Variants in LNX1 observed in about 807,000 individuals in gnomAD.
LNX1 encodes the protein E3 ubiquitin-protein ligase LNX.
In LNX1, 54 loss-of-function variants were observed where a neutral mutation model predicts 68.4. That is an observed-to-expected ratio of 0.79 (90% CI 0.63 to 0.99). The LOEUF (loss-of-function observed/expected upper bound fraction) is 0.99, where lower values mean the gene tolerates loss of function less well. Among genes scored for constraint, LNX1 ranks in the 50% least tolerant of loss-of-function variants. LNX1 has a pLI of 0.00. For synonymous variants in LNX1, 336 were observed against 350.0 expected (o/e 0.96, Z 0.45); for missense variants, 906 against 926.4 (o/e 0.98, Z 0.29).
chr4:53,634,552 GT>G (rs1210098162), intron 1 of LNX1, among the ~76,000 whole-genome samples: 1 of 152,008 alleles, frequency 6.6e-6, no homozygotes, highest in Non-Finnish European at 1.5e-5. Context: ...GCTCAGCTCG[GT>G]TTTCTATTCT....
rs1295184329 is a variant in LNX1 at position 53,508,060 on chromosome 4, G to A, written c.548C>T (p.Ala183Val). The part of the protein sequence containing the change: ...MTDEPGLDNP[A>V]YVSSAEDGQP... Reference sequence around the variant, plus strand: ...CCCGTCCTCTGCCGAGGACACGTAGGCAGGGTTGTCTAGGCCAGGCTCGTC... The same window carrying A: ...CCCGTCCTCTGCCGAGGACACGTAGACAGGGTTGTCTAGGCCAGGCTCGTC... The change falls in exon 3 of 11, where the codon GCC (alanine) becomes GTC (valine). Residue 183 changes from alanine (A) to valine (V), a missense_variant. Coordinates refer to ENST00000263925, the MANE Select transcript of LNX1 (RefSeq NM_001126328.3). 2 of 1,614,166 alleles carry A rather than the reference G, an allele frequency of 1.2e-6. No homozygotes were observed. The highest frequency in any genetic ancestry group is 4.5e-5 in the East Asian group (2 of 44,868).
At chr4:53,575,969 T>A in intron 1 of LNX1, 1 of 1,561,962 alleles carries the variant, frequency 6.4e-7, no homozygotes, top group Non-Finnish European at 8.6e-7. Flanking sequence ...GGTGCCCTAC[T>A]GGCAGGCATG....
At chr4:53,557,958 G>A (rs761756542) in intron 2 of LNX1, 17 of 1,613,476 alleles carry the variant, frequency 1.1e-5, no homozygotes, top group South Asian at 8.8e-5. Context: ...CAACAGAAGC[G>A]CCTTCATTCT....
At position 53,508,009 on chromosome 4, in the gene LNX1, G is replaced by A. The variant is rs751494229; in HGVS notation, c.599C>T (p.Ser200Phe). The change falls in exon 3 of 11, where the codon TCT becomes TTT. Residue 200 changes from serine to phenylalanine, a missense_variant. Coordinates refer to ENST00000263925, the MANE Select transcript of LNX1 (RefSeq NM_001126328.3). ...ACCCCTAGTTCGGTTGCTCCGGCCA[G>A]AGTCCACTGGGCTGATTGCTGGCTG... is the stretch of plus-strand genomic sequence containing the variant. ...DGQPAISPVD[S>F]GRSNRTRARP... 3.7e-6 allele frequency: 6 copies of A among 1,613,982 alleles called. No individual in the cohort carries two copies. Among genetic ancestry groups the A allele is most frequent in the Non-Finnish European group, 4.2e-6 (5 of 1,179,970 alleles).
chr4:53,614,517 G>A (rs1260891055), intron 2 of LNX1, among the ~76,000 whole-genome samples: 1 of 152,144 alleles, frequency 6.6e-6, no homozygotes, highest in Non-Finnish European at 1.5e-5. Flanking sequence ...TTTTCTAGGG[G>A]TGTCAGGTTC....
chr4:53,494,557 A>C (rs552965501), intron 6 of LNX1, among the ~76,000 whole-genome samples: 1 of 152,362 alleles, frequency 6.6e-6, no homozygotes, highest in South Asian at 2.1e-4. Flanking sequence ...CTAGTCAAGC[A>C]AAAATCTCCC....
intron 2 of LNX1, among the ~76,000 whole-genome samples, chr4:53,514,435 A>G (rs1410656765): frequency 1.3e-5 from 2 of 152,228 alleles, no homozygotes; most frequent in Non-Finnish European, 2.9e-5. Context: ...CCTCACAATC[A>G]TGGCAGAAGA....
At chr4:53,629,018 T>G (rs555552295) in intron 1 of LNX1, among the ~76,000 whole-genome samples, 116 of 152,242 alleles carry the variant, frequency 7.6e-4, no homozygotes, top group African/African-American at 2.7e-3. Context: ...AACTACACAT[T>G]AGGTACAATA....
At chr4:53,561,394 AT>A (rs1339200495) in intron 2 of LNX1, among the ~76,000 whole-genome samples, 1 of 151,782 alleles carries the variant, frequency 6.6e-6, no homozygotes, top group Non-Finnish European at 1.5e-5. Context: ...CACCCAGCTA[AT>A]TTTTCTATTT....
intron 9 of LNX1, among the ~76,000 whole-genome samples, chr4:53,470,515 A>G (rs1258209230): frequency 2.0e-5 from 3 of 152,214 alleles, no homozygotes; most frequent in Admixed American, 1.3e-4. Flanking sequence ...GAAGGAAATA[A>G]AGGGCATTCA....
chr4:53,525,909 T>C (rs1427327595), intron 2 of LNX1, among the ~76,000 whole-genome samples: 2 of 152,224 alleles, frequency 1.3e-5, no homozygotes, highest in Non-Finnish European at 2.9e-5. Flanking sequence ...GTCACATCTT[T>C]AGGAAATACC....
chr4:53,609,874 A>G (rs1560692950), intron 2 of LNX1, among the ~76,000 whole-genome samples: 1 of 149,238 alleles, frequency 6.7e-6, no homozygotes, highest in South Asian at 2.1e-4. Context: ...AGCATTATAT[A>G]TAACTATATA....
At chr4:53,496,608 A>C (rs906775420) in intron 5 of LNX1, 1 of 518,452 alleles carries the variant, frequency 1.9e-6, no homozygotes, top group Non-Finnish European at 3.4e-6. Flanking sequence ...CTGTGAGTAG[A>C]CACCATCTTT....
At chr4:53,509,822 G>A (rs1337680034) in intron 2 of LNX1, among the ~76,000 whole-genome samples, 1 of 152,214 alleles carries the variant, frequency 6.6e-6, no homozygotes, top group Non-Finnish European at 1.5e-5. Context: ...TGGCAGTCAT[G>A]ATGCAGACGT....
At chr4:53,584,163 G>T (rs978806581) in intron 1 of LNX1, among the ~76,000 whole-genome samples, 2 of 151,796 alleles carry the variant, frequency 1.3e-5, no homozygotes, top group African/African-American at 4.8e-5. Context: ...TGTTGTTGTT[G>T]TTTTTTTTAA....
intron 2 of LNX1, among the ~76,000 whole-genome samples, chr4:53,601,009 C>A: frequency 7.0e-6 from 1 of 142,700 alleles, no homozygotes; most frequent in Admixed American, 7.3e-5. Flanking sequence ...ACCCGGGAGG[C>A]CGAGGTTGCA....
Position 53,496,352 on chromosome 4 carries a change from C to G in LNX1, c.1021G>C (p.Val341Leu). The change falls in exon 6 of 11, where the codon GTG becomes CTG. Residue 341 changes from valine (V) to leucine (L), a missense_variant. Transcript: ENST00000263925. ...DISNVPHNYA[V>L]RLLRQPCQVL... is the part of the protein sequence containing the mutation. The stretch of plus-strand genomic sequence containing the variant: ...TGGCAGGGCTGCCGCAGGAGACGCA[C>G]AGCGTAGTTGTGAGGGACATTGCTG... 6.2e-7 allele frequency: 1 copy of G among 1,614,090 alleles called. No homozygotes were observed. Among genetic ancestry groups the G allele is most frequent in the Non-Finnish European group, 8.5e-7 (1 of 1,179,996 alleles).
chr4:53,533,555 C>T (rs982227711), intron 2 of LNX1, among the ~76,000 whole-genome samples: 7 of 152,282 alleles, frequency 4.6e-5, no homozygotes, highest in Non-Finnish European at 7.4e-5. Context: ...CATGCCATCA[C>T]ACCTGGCTAA....
At chr4:53,513,618 T>C (rs1726527779) in intron 2 of LNX1, among the ~76,000 whole-genome samples, 1 of 152,200 alleles carries the variant, frequency 6.6e-6, no homozygotes, top group Non-Finnish European at 1.5e-5. Flanking sequence ...CTCAGATTCA[T>C]CCTTGATTTC....
Sources: gnomAD v4.1 joint callset for allele counts (sites outside exome capture counted in the v4.1 genomes callset) on GRCh38, gnomAD v4.1.1 for gene constraint, MANE v1.5 for transcripts, NCBI Gene and HGNC (gene_info 2026-07-23, HGNC 2026-07-21) for gene names.